RANBP9: variants seen among roughly 807,000 people sequenced by gnomAD.
The protein encoded by RANBP9 is RAN binding protein 9, also known as ran-binding protein 9.
Under a neutral mutation model 84.3 loss-of-function variants are expected in RANBP9, and 15 were observed. The observed-to-expected ratio is 0.18, with a 90% confidence interval of 0.12 to 0.27. The LOEUF (loss-of-function observed/expected upper bound fraction) is 0.27, where lower values mean the gene tolerates loss of function less well. Among genes scored for constraint, RANBP9 ranks in the 10% least tolerant of loss-of-function variants. RANBP9 has a pLI of 1.00. For synonymous variants in RANBP9, 392 were observed against 349.6 expected, an observed-to-expected ratio of 1.12 and a Z score of -1.35; for missense variants, 809 against 912.8, an observed-to-expected ratio of 0.89 and a Z score of 1.46.
Position 13,711,671 on chromosome 6 carries a change from C to A in RANBP9, c.-166G>T. ...GGGAGACCGCGGCGGTTGAGGAGCT[C>A]GGAGACGCGGGAGTAGGCGGCGGGC... On this transcript the variant is annotated 5_prime_UTR_variant, in exon 1 of 14. Transcript: ENST00000011619. The A allele has an allele frequency of 2.1e-6, 1 of 481,132 alleles. No homozygotes were observed. Among genetic ancestry groups the A allele is most frequent in the Non-Finnish European group, 3.1e-6 (1 of 324,670 alleles). 29.8% of individuals were successfully genotyped at this position (481,132 alleles called of 1,614,324 possible). A position where few individuals can be genotyped will look rare whatever the true frequency, so the allele number is the denominator to read the frequency against.
chr6:13,695,399 A>ATTTTTTTTTTTTTT (rs1310915112), intron 2 of RANBP9, among the ~76,000 whole-genome samples: 1 of 106,434 alleles, frequency 9.4e-6, no homozygotes, highest in Non-Finnish European at 1.9e-5. Flanking sequence ...CACCAACCAA[A>ATTTTTTTTTTTTTT]TGTTTTTTTT....
intron 2 of RANBP9, among the ~76,000 whole-genome samples, chr6:13,661,490 G>GA (rs1041298384): frequency 3.3e-5 from 5 of 151,116 alleles, no homozygotes; most frequent in African/African-American, 7.3e-5. Flanking sequence ...AGGCATGTGG[G>GA]AAAAAAAATG....
At chr6:13,627,103 ATTATTTAC>A (rs1281992623) in intron 12 of RANBP9, among the ~76,000 whole-genome samples, 1 of 152,196 alleles carries the variant, frequency 6.6e-6, no homozygotes, top group Admixed American at 6.5e-5. Context: ...GAAGATAAAA[ATTATTTAC>A]TATACTATTT....
chr6:13,641,134 T>G (rs1038362445), intron 8 of RANBP9, 65 bp downstream of exon 8: 1 of 1,047,764 alleles, frequency 9.5e-7, no homozygotes, highest in East Asian at 3.1e-5. Context: ...AAATGTCTTT[T>G]ATTACATAAC....
chr6:13,684,788 G>A (rs903496570), intron 2 of RANBP9, among the ~76,000 whole-genome samples: 1 of 152,206 alleles, frequency 6.6e-6, no homozygotes, highest in Non-Finnish European at 1.5e-5. Flanking sequence ...CTATGAAGGG[G>A]AAGTACAAGA....
chr6:13,695,224 T>C (rs1255290702), intron 2 of RANBP9, among the ~76,000 whole-genome samples: 3 of 151,990 alleles, frequency 2.0e-5, no homozygotes, highest in African/African-American at 7.2e-5. Flanking sequence ...ACAACAGTTA[T>C]AGACTAGAAT....
intron 2 of RANBP9, among the ~76,000 whole-genome samples, chr6:13,687,405 T>C (rs1456979725): frequency 3.3e-5 from 5 of 151,990 alleles, no homozygotes; most frequent in African/African-American, 1.2e-4. Context: ...GGAGGATCCC[T>C]TGAGCCCAGG....
At chr6:13,674,649 T>C (rs888489316) in intron 2 of RANBP9, among the ~76,000 whole-genome samples, 1 of 152,168 alleles carries the variant, frequency 6.6e-6, no homozygotes, top group African/African-American at 2.4e-5. Flanking sequence ...TAGGCATAAC[T>C]GAAACCTGTT....
intron 1 of RANBP9, among the ~76,000 whole-genome samples, chr6:13,706,413 G>C (rs1191810304): frequency 6.6e-6 from 1 of 151,476 alleles, no homozygotes; most frequent in East Asian, 2.0e-4. Flanking sequence ...GTGAAATTCT[G>C]GCTGGGCACT....
At chr6:13,664,763 A>T (rs1218991446) in intron 2 of RANBP9, among the ~76,000 whole-genome samples, 1 of 152,186 alleles carries the variant, frequency 6.6e-6, no homozygotes, top group Admixed American at 6.5e-5. Flanking sequence ...GCTATAAAAA[A>T]TTTAAATTAA....
chr6:13,657,111 A>G lies in RANBP9; in HGVS notation c.902T>C (p.Leu301Ser), dbSNP rs1236681899. Residue 301 changes from leucine to serine, a missense_variant and splice_region_variant, in exon 4 of 14, where the codon TTA (leucine) becomes TCA (serine). Physicochemically the swap from Leu to Ser is moderately radical, Grantham distance 145. Around this residue, in one of 5 missense-constraint regions of RANBP9, gnomAD observed 216 missense variants for 329.0 expected, o/e 0.66. Transcript: ENST00000011619. Reference protein sequence around the residue: ...TCFYTKNGHSLGIAFTDLPPN... With the variant: ...TCFYTKNGHSSGIAFTDLPPN... ...CATGCAATATATTATCTCAGTACCT[A>G]AACTATGTCCATTCTTGGTGTAAAA... 6.2e-7 allele frequency: 1 copy of G among 1,606,886 alleles called. No homozygotes were observed. Among genetic ancestry groups the G allele is most frequent in the Non-Finnish European group, 8.5e-7 (1 of 1,175,872 alleles).
chr6:13,650,664 A>C (rs1434963402), intron 5 of RANBP9, among the ~76,000 whole-genome samples: 1 of 152,224 alleles, frequency 6.6e-6, no homozygotes, highest in Non-Finnish European at 1.5e-5. Context: ...TGCACGATGT[A>C]ATCAGCAGCT....
chr6:13,637,669 G>T (rs148137738), intron 10 of RANBP9, 139 bp downstream of exon 10: 4 of 790,424 alleles, frequency 5.1e-6, no homozygotes, highest in Non-Finnish European at 7.5e-6. Flanking sequence ...GACTCCCTAC[G>T]CTTTTATTCT....
rs764761717 is a variant in RANBP9, at chr6:13,622,338, AGT to A, written c.*22_*23del. ...CATGTTGACTATATGCCACAATATA[AGT>A]GTGAGCTCTTGAAATGCATAGCTAA... On this transcript the variant is annotated 3_prime_UTR_variant, in exon 14 of 14. Coordinates refer to ENST00000011619, the MANE Select transcript of RANBP9 (RefSeq NM_005493.3). 95 of 1,523,264 alleles carry A rather than the reference AGT, an allele frequency of 6.2e-5. No homozygotes were observed. Among genetic ancestry groups the A allele is most frequent in the Non-Finnish European group, 7.8e-5 (89 of 1,135,324 alleles). The allele number at this position is 1,523,264 out of a possible 1,614,324, so 94.4% of individuals were successfully genotyped here. A position where few individuals can be genotyped will look rare whatever the true frequency, so the allele number is the denominator to read the frequency against.
intron 2 of RANBP9, among the ~76,000 whole-genome samples, chr6:13,675,229 T>C (rs1420302070): frequency 6.6e-6 from 1 of 152,156 alleles, no homozygotes; most frequent in Non-Finnish European, 1.5e-5. Flanking sequence ...CTTCTTAAGC[T>C]CACAAAAACA....
At chr6:13,692,478 A>T (rs958887084) in intron 2 of RANBP9, among the ~76,000 whole-genome samples, 41 of 148,802 alleles carry the variant, frequency 2.8e-4, no homozygotes, top group African/African-American at 1.0e-3. Context: ...AGTGAGCTGA[A>T]ATCACACCAT....
At chr6:13,706,330 CAA>C (rs2113372076) in intron 1 of RANBP9, among the ~76,000 whole-genome samples, 1 of 148,662 alleles carries the variant, frequency 6.7e-6, no homozygotes, top group South Asian at 2.2e-4. Flanking sequence ...GGCAACAGAG[CAA>C]GACTCGGTCT....
At chr6:13,649,159 A>G (rs1229491750) in intron 5 of RANBP9, among the ~76,000 whole-genome samples, 1 of 152,192 alleles carries the variant, frequency 6.6e-6, no homozygotes, top group Non-Finnish European at 1.5e-5. Flanking sequence ...TTCCTTTAAA[A>G]GGAAGAATTG....
chr6:13,679,814 T>C (rs141852870), intron 2 of RANBP9, among the ~76,000 whole-genome samples: 3 of 152,312 alleles, frequency 2.0e-5, no homozygotes, highest in African/African-American at 7.2e-5. Context: ...AGATGCGTTT[T>C]ACTGTTTTGT....
Sources: allele counts gnomAD v4.1 joint callset (sites outside exome capture counted in the v4.1 genomes callset), GRCh38; gene constraint gnomAD v4.1.1; regional missense constraint gnomAD v4.1.1; transcripts MANE v1.5; gene names NCBI Gene and HGNC (gene_info 2026-07-23, HGNC 2026-07-21).